The following CCDC141 variants were observed in gnomAD, a reference collection of about 807,000 sequenced individuals.
CCDC141 encodes coiled-coil domain-containing protein 141.
In CCDC141, 168 loss-of-function variants were observed where a neutral mutation model predicts 181.0. That is an observed-to-expected ratio of 0.93 (90% CI 0.82 to 1.05). CCDC141 has a LOEUF of 1.05. CCDC141 is among the 50% of genes least tolerant of loss of function. CCDC141 has a pLI of 0.00. For missense variants in CCDC141, 1,902 were observed against 1,788.5 expected (o/e 1.06, Z -1.14); for synonymous variants, 666 against 642.3 (o/e 1.04, Z -0.56).
intron 22 of CCDC141, among the ~76,000 whole-genome samples, chr2:178,838,091 G>A (rs1161095312): frequency 6.6e-6 from 1 of 152,162 alleles, no homozygotes; most frequent in East Asian, 1.9e-4. Context: ...AAACAGCAAA[G>A]TCAGCTTAGG....
chr2:179,011,948 A>C (rs1260234868), intron 2 of CCDC141, among the ~76,000 whole-genome samples: 1 of 152,144 alleles, frequency 6.6e-6, no homozygotes, highest in African/African-American at 2.4e-5. Flanking sequence ...CAACCTATCA[A>C]AATCTCTGGG....
At chr2:178,859,313 A>G (rs1274637091) in intron 17 of CCDC141, among the ~76,000 whole-genome samples, 1 of 152,204 alleles carries the variant, frequency 6.6e-6, no homozygotes, top group Non-Finnish European at 1.5e-5. Context: ...GCACTTTCCA[A>G]TATGAAAACT....
intron 17 of CCDC141, among the ~76,000 whole-genome samples, chr2:178,862,556 T>G (rs1378505129): frequency 6.6e-6 from 1 of 152,216 alleles, no homozygotes; most frequent in Non-Finnish European, 1.5e-5. Context: ...TATGAACAAC[T>G]TATTTATATA....
At chr2:179,014,849 G>A (rs1232095327) in intron 2 of CCDC141, among the ~76,000 whole-genome samples, 1 of 151,634 alleles carries the variant, frequency 6.6e-6, no homozygotes, top group Non-Finnish European at 1.5e-5. Flanking sequence ...CAACCACTAT[G>A]GAAAACAGTG....
At chr2:178,966,687 T>G (rs1485042320) in intron 4 of CCDC141, among the ~76,000 whole-genome samples, 1 of 152,058 alleles carries the variant, frequency 6.6e-6, no homozygotes, top group Non-Finnish European at 1.5e-5. Flanking sequence ...ACCCGAATGC[T>G]GCTTCTCCTC....
intron 2 of CCDC141, among the ~76,000 whole-genome samples, chr2:179,031,221 T>C (rs922784999): frequency 6.6e-6 from 1 of 151,712 alleles, no homozygotes; most frequent in South Asian, 2.1e-4. Flanking sequence ...TTTTTCTTCT[T>C]GAGTAGTTTT....
chr2:178,916,919 AC>A (rs1317398449), intron 7 of CCDC141, among the ~76,000 whole-genome samples: 2 of 151,926 alleles, frequency 1.3e-5, no homozygotes, highest in African/African-American at 2.4e-5. Flanking sequence ...TGAGAAAGTA[AC>A]CACTCTCTTC....
At chr2:178,961,121 A>C in intron 5 of CCDC141, 109 bp downstream of exon 5, 1 of 1,248,752 alleles carries the variant, frequency 8.0e-7, no homozygotes, top group African/African-American at 1.5e-5. Flanking sequence ...TGGACCAAAG[A>C]CCAAAAGATT....
chr2:179,007,402 A>G (rs903715561), intron 2 of CCDC141, among the ~76,000 whole-genome samples: 3 of 152,196 alleles, frequency 2.0e-5, no homozygotes, highest in Non-Finnish European at 2.9e-5. Context: ...GTAAATTGAA[A>G]TCTTTAAATC....
rs144489868 is a variant in CCDC141 at position 178,907,100 on chromosome 2, A to T, written c.1093-1599T>A. The stretch of plus-strand genomic sequence containing the variant: ...CTCACTTATTTAGCAGTGAAGAGAA[A>T]GTTATAATAATAACTATAGTTTAAT... On this transcript the variant is annotated intron_variant, in intron 7 of 23. Transcript: ENST00000443758. Among the ~76,000 whole-genome samples, 15 of 152,342 alleles carry T rather than the reference A, an allele frequency of 9.8e-5. No individual in the cohort carries two copies. The East Asian group carries it at 2.9e-3, about 29-fold the overall frequency.
At chr2:178,992,458 T>C (rs1692102607) in intron 2 of CCDC141, among the ~76,000 whole-genome samples, 1 of 151,840 alleles carries the variant, frequency 6.6e-6, no homozygotes, top group Non-Finnish European at 1.5e-5. Context: ...AACAGTCCTT[T>C]CCTTCCTTAT....
At chr2:178,837,825 G>A in intron 22 of CCDC141, 81 bp from the exon 23 acceptor site, 1 of 1,472,892 alleles carries the variant, frequency 6.8e-7, no homozygotes. Context: ...CTCAACTTCA[G>A]AGAGATAACT....
intron 2 of CCDC141, among the ~76,000 whole-genome samples, chr2:179,034,506 A>AC (rs2043085470): frequency 1.3e-5 from 2 of 152,328 alleles, no homozygotes; most frequent in South Asian, 4.1e-4. Context: ...AAGTTTTAAA[A>AC]AATGTGAAAA....
intron 17 of CCDC141, among the ~76,000 whole-genome samples, chr2:178,862,327 T>C (rs1685656903): frequency 6.6e-6 from 1 of 152,244 alleles, no homozygotes; most frequent in African/African-American, 2.4e-5. Flanking sequence ...GATTCTGTCA[T>C]TACTATTCTT....
chr2:178,887,630 T>C (rs141218985), intron 9 of CCDC141, among the ~76,000 whole-genome samples: 1 of 152,120 alleles, frequency 6.6e-6, no homozygotes, highest in Non-Finnish European at 1.5e-5. Flanking sequence ...TGCCACCATA[T>C]TTGGAAACTC....
chr2:178,924,168 G>C (rs1425133679), intron 6 of CCDC141, among the ~76,000 whole-genome samples: 1 of 152,120 alleles, frequency 6.6e-6, no homozygotes, highest in Non-Finnish European at 1.5e-5. Flanking sequence ...TTTTAAGTGG[G>C]GGAAAGGTGG....
At chr2:179,003,369 T>G (rs1391737828) in intron 2 of CCDC141, among the ~76,000 whole-genome samples, 1 of 152,224 alleles carries the variant, frequency 6.6e-6, no homozygotes, top group African/African-American at 2.4e-5. Context: ...GTCCACATTC[T>G]GGTTCCACCA....
chr2:178,892,754 A>C (rs1687218818), intron 8 of CCDC141, among the ~76,000 whole-genome samples: 1 of 152,158 alleles, frequency 6.6e-6, no homozygotes. Flanking sequence ...AATTGATAGA[A>C]TCTCATCAGT....
chr2:178,938,181 T>G (rs751666936), intron 6 of CCDC141, among the ~76,000 whole-genome samples: 7 of 152,120 alleles, frequency 4.6e-5, no homozygotes, highest in Non-Finnish European at 1.0e-4. Flanking sequence ...CATTCTAACT[T>G]CTTGATGTTA....
Sources: gnomAD v4.1 joint callset for allele counts (sites outside exome capture counted in the v4.1 genomes callset) on GRCh38, gnomAD v4.1.1 for gene constraint, MANE v1.5 for transcripts, NCBI Gene and HGNC (gene_info 2026-07-23, HGNC 2026-07-21) for gene names.